The following LRRC37A2 variants were observed in gnomAD, a reference collection of about 807,000 sequenced individuals.
The protein encoded by LRRC37A2 is leucine rich repeat containing 37 member A2.
In LRRC37A2, 9 loss-of-function variants were observed where a neutral mutation model predicts 68.8. The ratio of observed to expected loss-of-function variants is 0.13; its 90% CI spans 0.08 to 0.23. The LOEUF (loss-of-function observed/expected upper bound fraction) is 0.23. LRRC37A2 is among the 10% of genes least tolerant of loss of function. The pLI, the probability that LRRC37A2 is intolerant of heterozygous loss-of-function variation, is 1.00. For missense variants in LRRC37A2, 168 were observed against 950.4 expected, an observed-to-expected ratio of 0.18 and a Z score of 10.82; for synonymous variants, 63 against 367.6, an observed-to-expected ratio of 0.17 and a Z score of 9.48.
chr17:46,848,089 A>C, the LRRC37A2 span, among the ~76,000 whole-genome samples: 31 of 152,066 alleles, frequency 2.0e-4, no homozygotes, highest in East Asian at 5.8e-3. Context: ...CTGCATGTGG[A>C]TATCCAAGAA....
chr17:46,953,504 A>C, the LRRC37A2 span, among the ~76,000 whole-genome samples: 1 of 152,166 alleles, frequency 6.6e-6, no homozygotes, highest in Non-Finnish European at 1.5e-5. Flanking sequence ...GCCGCAATAA[A>C]CATACGTGTG....
At chr17:47,022,503 A>T in the LRRC37A2 span, among the ~76,000 whole-genome samples, 5 of 151,956 alleles carry the variant, frequency 3.3e-5, no homozygotes, top group African/African-American at 1.2e-4. Context: ...AAAATGCAAT[A>T]ACAGATATAA....
the LRRC37A2 span, chr17:46,769,743 G>A: frequency 8.7e-6 from 14 of 1,602,778 alleles, no homozygotes; most frequent in African/African-American, 8.0e-5. Flanking sequence ...GAAGCGGGGG[G>A]CTGCTCCCTG....
At chr17:46,905,443 A>C in the LRRC37A2 span, among the ~76,000 whole-genome samples, 1 of 152,330 alleles carries the variant, frequency 6.6e-6, no homozygotes, top group South Asian at 2.1e-4. Context: ...TGCTTGGAAT[A>C]ACCCACTTCC....
At chr17:46,979,202 C>T in the LRRC37A2 span, 1 of 474,414 alleles carries the variant, frequency 2.1e-6, no homozygotes, top group Non-Finnish European at 3.6e-6. Flanking sequence ...AGCGACCGCC[C>T]GGAGGAGCGA....
At chr17:46,820,211 C>A in the LRRC37A2 span, among the ~76,000 whole-genome samples, 2 of 152,202 alleles carry the variant, frequency 1.3e-5, no homozygotes, top group South Asian at 4.1e-4. Context: ...CGGCTGCTGC[C>A]GGCACAGGGA....
At chr17:46,716,230 A>G in the LRRC37A2 span, among the ~76,000 whole-genome samples, 2 of 150,522 alleles carry the variant, frequency 1.3e-5, no homozygotes, top group East Asian at 3.9e-4. Context: ...TATAAGTTCT[A>G]GTCTACCTCC....
the LRRC37A2 span, among the ~76,000 whole-genome samples, chr17:46,485,971 C>G: frequency 3.9e-5 from 2 of 51,586 alleles, no homozygotes; most frequent in Admixed American, 1.8e-4. Context: ...GAGTGAGACT[C>G]CGTCTCAAAA....
the LRRC37A2 span, among the ~76,000 whole-genome samples, chr17:46,784,601 G>T: frequency 6.6e-6 from 1 of 152,102 alleles, no homozygotes; most frequent in African/African-American, 2.4e-5. Context: ...AGGCTGGAAA[G>T]GTGGGCTCTC....
chr17:46,721,876 C>G, the LRRC37A2 span: 1 of 1,589,286 alleles, frequency 6.3e-7, no homozygotes, highest in Non-Finnish European at 8.6e-7. Context: ...GAATTCTCCT[C>G]TGAGCGATAA....
the LRRC37A2 span, among the ~76,000 whole-genome samples, chr17:46,863,301 G>A: frequency 2.2e-4 from 33 of 152,212 alleles, no homozygotes; most frequent in South Asian, 8.3e-4. Flanking sequence ...CACTCCTTGC[G>A]TGGGGTTAGA....
the LRRC37A2 span, among the ~76,000 whole-genome samples, chr17:46,947,171 C>G: frequency 6.6e-6 from 1 of 152,146 alleles, no homozygotes; most frequent in Non-Finnish European, 1.5e-5. Context: ...TCAGCTGTCT[C>G]TGAAACCAGG....
the LRRC37A2 span, chr17:46,487,227 T>C: frequency 2.2e-6 from 1 of 447,688 alleles, no homozygotes; most frequent in South Asian, 3.9e-5. Flanking sequence ...TACTCAGTAT[T>C]ATGGAAGGTT....
At chr17:47,036,535 T>C in the LRRC37A2 span, among the ~76,000 whole-genome samples, 1 of 152,246 alleles carries the variant, frequency 6.6e-6, no homozygotes, top group East Asian at 1.9e-4. Context: ...ATGTAGGGGG[T>C]CCACCTTCAT....
Position 46,548,810 on chromosome 17 carries a change from A to G in LRRC37A2, c.3671A>G (p.Glu1224Gly), listed in dbSNP as rs201965529. 1.3e-3 allele frequency: 2,051 copies of G among 1,612,090 alleles called. 158 individuals are homozygous for G. In the African/African-American group the frequency reaches 0.022, roughly 18 times the overall value. Residue 1224 changes from glutamate to glycine, a missense_variant, in exon 10 of 15, where the codon GAG becomes GGG. Physicochemically the swap from Glu to Gly is moderately conservative, Grantham distance 98. Transcript: ENST00000576629. ...CAGCCCCACACACAGCAGGGGCCTGAGAAGTTAGCGGGAAACGCCGTCTAC... is the reference window on the plus strand; with the variant it reads ...CAGCCCCACACACAGCAGGGGCCTGGGAAGTTAGCGGGAAACGCCGTCTAC...
the LRRC37A2 span, among the ~76,000 whole-genome samples, chr17:46,950,058 G>A: frequency 3.3e-5 from 5 of 152,274 alleles, no homozygotes; most frequent in Admixed American, 6.5e-5. Context: ...AAGAGAGGCC[G>A]TGGGGCCTCC....
chr17:47,012,430 C>T, the LRRC37A2 span, among the ~76,000 whole-genome samples: 1 of 151,846 alleles, frequency 6.6e-6, no homozygotes, highest in Non-Finnish European at 1.5e-5. Flanking sequence ...AAGAACACCA[C>T]CAAGAAAGTG....
chr17:46,545,224 G>A (rs1318096887), intron 8 of LRRC37A2, among the ~76,000 whole-genome samples: 2 of 137,778 alleles, frequency 1.5e-5, no homozygotes, highest in African/African-American at 3.1e-5. Context: ...TTGAGCCCAG[G>A]AGTTCTACAC....
chr17:46,703,830 GTAAAAC>G, the LRRC37A2 span, among the ~76,000 whole-genome samples: 1 of 140,938 alleles, frequency 7.1e-6, no homozygotes, highest in African/African-American at 2.6e-5. Flanking sequence ...TTTTCATCTT[GTAAAAC>G]TAAAACTCCA....
Sources: allele counts gnomAD v4.1 joint callset (sites outside exome capture counted in the v4.1 genomes callset), GRCh38; gene constraint gnomAD v4.1.1; transcripts MANE v1.5; gene names NCBI Gene and HGNC (gene_info 2026-07-23, HGNC 2026-07-21).